Variants in TENM2 observed in about 807,000 individuals in gnomAD.
TENM2 encodes the protein teneurin-2.
Under a neutral mutation model 245.2 loss-of-function variants are expected in TENM2, and 52 were observed. That is an observed-to-expected ratio of 0.21 (90% confidence interval 0.17 to 0.27). The LOEUF is 0.27. Ranked by LOEUF, TENM2 falls within the 10% of genes least tolerant of loss-of-function variation. The pLI, the probability that TENM2 is intolerant of heterozygous loss-of-function variation, is 1.00. For missense variants in TENM2, 3,046 were observed against 3,666.8 expected (o/e 0.83, Z 4.37); for synonymous variants, 1,363 against 1,438.9 (o/e 0.95, Z 1.19).
chr5:167,024,229 A>T, the TENM2 span, among the ~76,000 whole-genome samples: 1 of 152,190 alleles, frequency 6.6e-6, no homozygotes, highest in Non-Finnish European at 1.5e-5. Context: ...AAACTATGCA[A>T]ACATCTCAAA....
At chr5:167,755,218 A>G (rs747897536) in intron 2 of TENM2, 29 of 1,576,644 alleles carry the variant, frequency 1.8e-5, no homozygotes, top group East Asian at 2.2e-5. Context: ...GTGCATGCAG[A>G]TGGGGTTTTG....
At chr5:167,071,878 GC>G in the TENM2 span, among the ~76,000 whole-genome samples, 1,345 of 124,108 alleles carry the variant, frequency 0.011, 17 homozygotes, top group African/African-American at 0.037. Context: ...TTGACAAATC[GC>G]CCCCCCCCGC....
the TENM2 span, among the ~76,000 whole-genome samples, chr5:167,254,192 A>G: frequency 6.6e-6 from 1 of 152,132 alleles, no homozygotes; most frequent in Non-Finnish European, 1.5e-5. Context: ...TCACAGTTAT[A>G]GTGTGCAGAA....
intron 1 of TENM2, among the ~76,000 whole-genome samples, chr5:167,359,985 C>CA: frequency 6.6e-6 from 1 of 152,122 alleles, no homozygotes; most frequent in East Asian, 1.9e-4. Flanking sequence ...CACATGAACA[C>CA]AAAAAAGGGA....
At chr5:168,047,884 GGCA>G (rs370697921) in intron 6 of TENM2, among the ~76,000 whole-genome samples, 40 of 151,704 alleles carry the variant, frequency 2.6e-4, no homozygotes, top group African/African-American at 7.2e-4. Context: ...CAGCTGGAGT[GGCA>G]GCAGCAGCAG....
At chr5:167,952,863 C>A (rs941937746) in intron 4 of TENM2, 41 bp downstream of exon 6, 1 of 1,500,340 alleles carries the variant, frequency 6.7e-7, no homozygotes, top group South Asian at 1.2e-5. Context: ...CTCAGTGTCA[C>A]CTTACCCCTG....
At chr5:167,284,692 A>G (rs1771236314), upstream of TENM2, 1 of 641,260 alleles carries the variant, frequency 1.6e-6, no homozygotes, top group African/African-American at 1.8e-5. Flanking sequence ...CGTCTGAGTC[A>G]GAGCATGAAT....
At chr5:167,182,835 T>C in the TENM2 span, among the ~76,000 whole-genome samples, 1 of 152,284 alleles carries the variant, frequency 6.6e-6, no homozygotes, top group East Asian at 1.9e-4. Flanking sequence ...CTCTTTTGAG[T>C]TCAAAATTAT....
chr5:168,099,634 A>G (rs1206869392), intron 9 of TENM2, among the ~76,000 whole-genome samples: 2 of 152,216 alleles, frequency 1.3e-5, no homozygotes, highest in African/African-American at 4.8e-5. Context: ...CAAGACAATC[A>G]TTAATAAAGC....
At chr5:167,961,318 G>C (rs1366731540) in intron 4 of TENM2, among the ~76,000 whole-genome samples, 3 of 152,198 alleles carry the variant, frequency 2.0e-5, no homozygotes, top group African/African-American at 7.2e-5. Context: ...CTGACTGGCT[G>C]GCCAGGCTTA....
At chr5:167,929,333 T>C (rs563720238) in intron 3 of TENM2, among the ~76,000 whole-genome samples, 1 of 152,226 alleles carries the variant, frequency 6.6e-6, no homozygotes, top group East Asian at 1.9e-4. Flanking sequence ...AAATGCCTCT[T>C]AGAGGATGTT....
chr5:167,187,494 C>G, the TENM2 span, among the ~76,000 whole-genome samples: 378 of 152,286 alleles, frequency 2.5e-3, 3 homozygotes, highest in African/African-American at 7.9e-3. Flanking sequence ...GGGTCCTGAA[C>G]TCTTCTCCAA....
intron 2 of TENM2, among the ~76,000 whole-genome samples, chr5:167,720,440 A>G (rs559890934): frequency 6.6e-6 from 1 of 152,328 alleles, no homozygotes; most frequent in South Asian, 2.1e-4. Context: ...CTGTAGCACT[A>G]AGAATGACAA....
rs72349867 is a variant in TENM2 at position 167,526,360 on chromosome 5, G to GCACACACACACACACACACA, written c.502+150902_502+150921dup. 1.6e-3 allele frequency among the ~76,000 whole-genome samples: 226 copies of GCACACACACACACACACACA among 144,142 alleles called. 1 individual carries two copies. The highest frequency in any genetic ancestry group is 5.6e-3 in the African/African-American group (217 of 38,986). 94.6% of individuals were successfully genotyped at this position (144,142 alleles called of 152,430 possible). Reference sequence around the variant, plus strand: ...CCTATCATTATCTGTTTAAGAAATAGCACACACACACACACACACACACAC... The same window carrying GCACACACACACACACACACA: ...CCTATCATTATCTGTTTAAGAAATAGCACACACACACACACACACACACACACACACACACACACACACAC... On this transcript the variant is annotated intron_variant, in intron 2 of 28. Transcript: ENST00000518659.
At chr5:168,013,986 A>C (rs992224053) in intron 5 of TENM2, among the ~76,000 whole-genome samples, 9 of 152,156 alleles carry the variant, frequency 5.9e-5, no homozygotes, top group African/African-American at 2.2e-4. Flanking sequence ...CCTGCGTCCA[A>C]GTTTTCCCTA....
intron 5 of TENM2, among the ~76,000 whole-genome samples, chr5:167,994,794 CT>C (rs1783930109): frequency 6.6e-6 from 1 of 152,120 alleles, no homozygotes; most frequent in Non-Finnish European, 1.5e-5. Flanking sequence ...CGAGTCATGT[CT>C]GCTTCTCACT....
chr5:167,796,119 G>T (rs2150921728), intron 2 of TENM2, among the ~76,000 whole-genome samples: 1 of 152,284 alleles, frequency 6.6e-6, no homozygotes, highest in East Asian at 1.9e-4. Flanking sequence ...AAAGGGGTTG[G>T]TTTTGTCTCC....
intron 1 of TENM2, among the ~76,000 whole-genome samples, chr5:167,350,039 A>G (rs981678868): frequency 3.9e-5 from 6 of 152,224 alleles, no homozygotes; most frequent in African/African-American, 1.4e-4. Flanking sequence ...AATTATATCA[A>G]TATGGACTCA....
intron 2 of TENM2, among the ~76,000 whole-genome samples, chr5:167,425,912 A>G (rs1386971857): frequency 6.6e-6 from 1 of 152,166 alleles, no homozygotes; most frequent in East Asian, 1.9e-4. Context: ...CGTTAGCATT[A>G]CTTTTGCTGT....
Sources: allele counts gnomAD v4.1 joint callset (sites outside exome capture counted in the v4.1 genomes callset), GRCh38; gene constraint gnomAD v4.1.1; transcripts MANE v1.5; gene names NCBI Gene and HGNC (gene_info 2026-07-23, HGNC 2026-07-21).